The following DMD variants were observed in gnomAD, a reference collection of about 807,000 sequenced individuals.
The protein encoded by DMD is mutant dystrophin.
DMD carries 63 observed loss-of-function variants against 330.1 expected under a neutral mutation model. The ratio of observed to expected loss-of-function variants is 0.19; its 90% CI spans 0.16 to 0.24. The LOEUF (loss-of-function observed/expected upper bound fraction) is 0.24. Ranked by LOEUF, DMD falls within the 10% of genes least tolerant of loss-of-function variation. The pLI, the probability that DMD is intolerant of heterozygous loss-of-function variation, is 1.00. For missense variants in DMD, 3,344 were observed against 2,684.1 expected (o/e 1.25, Z -5.43); for synonymous variants, 1,223 against 959.8 (o/e 1.27, Z -5.07).
intron 41 of DMD, among the ~76,000 whole-genome samples, chrX:32,338,620 C>T: frequency 9.0e-6 from 1 of 111,567 alleles, no homozygotes; most frequent in South Asian, 3.7e-4. Context: ...TAACGTTTGG[C>T]ATCTGATAAC....
At chrX:32,495,665 G>A (rs1054173391) in intron 19 of DMD, among the ~76,000 whole-genome samples, 4 of 111,614 alleles carry the variant, frequency 3.6e-5, no homozygotes, top group African/African-American at 6.5e-5. Context: ...ATGAAAAAGG[G>A]TTCAAAGCGT....
In DMD at chrX:31,801,590, C is replaced by A. The variant is rs1032112522; in HGVS notation, c.7309+18385G>T. On this transcript the variant is annotated intron_variant, in intron 50 of 78. Coordinates refer to ENST00000357033, the MANE Select transcript of DMD (RefSeq NM_004006.3). Reference sequence around the variant, plus strand: ...TCTTAAGTGTCCTCATCCCCCCCCCCCAACACACACACAATAGTAACTATT... The same window carrying A: ...TCTTAAGTGTCCTCATCCCCCCCCCACAACACACACACAATAGTAACTATT... Among the ~76,000 whole-genome samples, 111 of 89,890 alleles carry A rather than the reference C, an allele frequency of 1.2e-3. 1 individual carries two copies. The highest frequency in any genetic ancestry group is 5.5e-3 in the Middle Eastern group (1 of 181). 78.1% of individuals were successfully genotyped at this position (89,890 alleles called of 115,157 possible). A position where few individuals can be genotyped will look rare whatever the true frequency, so the allele number is the denominator to read the frequency against.
intron 1 of DMD, among the ~76,000 whole-genome samples, chrX:33,223,483 T>G (rs1171125925): frequency 8.9e-6 from 1 of 112,168 alleles, no homozygotes; most frequent in Non-Finnish European, 1.9e-5. Context: ...ATAAATATAG[T>G]CAACTGACTG....
chrX:32,543,414 T>A (rs10126490), intron 17 of DMD, among the ~76,000 whole-genome samples: 21 of 110,361 alleles, frequency 1.9e-4, no homozygotes, highest in African/African-American at 6.3e-4. Flanking sequence ...ATGAATCAGC[T>A]TGCTCTGTTA....
In DMD at chrX:32,539,032, T is replaced by C. The variant is rs753844803; in HGVS notation, c.2168+6127A>G. The stretch of plus-strand genomic sequence containing the variant: ...TAAGTATTCTCTGATCCCATAGCAT[T>C]CTCTAGAATTCACATTACTATATTC... On this transcript the variant is annotated intron_variant, in intron 17 of 78. Transcript: ENST00000357033. 5.4e-5 allele frequency among the ~76,000 whole-genome samples: 6 copies of C among 111,677 alleles called. No individual in the cohort carries two copies. The East Asian group carries it at 1.1e-3, about 21-fold the overall frequency.
At chrX:32,981,632 C>T (rs1296228765) in intron 2 of DMD, among the ~76,000 whole-genome samples, 1 of 111,107 alleles carries the variant, frequency 9.0e-6, no homozygotes, top group African/African-American at 3.3e-5. Flanking sequence ...TTTATAAATA[C>T]AACAAATATG....
chrX:32,601,299 C>T (rs527731869), intron 12 of DMD, among the ~76,000 whole-genome samples: 2 of 111,790 alleles, frequency 1.8e-5, no homozygotes, highest in Non-Finnish European at 3.8e-5. Context: ...ACAGGCTACC[C>T]TAGAAAAGCT....
At chrX:32,039,495 T>C (rs1603622805) in intron 44 of DMD, among the ~76,000 whole-genome samples, 1 of 111,513 alleles carries the variant, frequency 9.0e-6, no homozygotes, top group African/African-American at 3.3e-5. Flanking sequence ...CCATAGATCC[T>C]TGTGCCCCCA....
At chrX:31,402,605 C>T (rs2061239387) in intron 60 of DMD, among the ~76,000 whole-genome samples, 2 of 111,491 alleles carry the variant, frequency 1.8e-5, no homozygotes, top group African/African-American at 6.5e-5. Context: ...TAGGAAACTG[C>T]CAAAAGAAAG....
intron 62 of DMD, among the ~76,000 whole-genome samples, chrX:31,321,607 A>AAAAAAAAAAAAAAAAAAAAAAAAGAAAG (rs1388525572): frequency 7.8e-5 from 7 of 89,271 alleles, no homozygotes; most frequent in African/African-American, 2.4e-4. Context: ...AAAAAAAAAA[A>AAAAAAAAAAAAAAAAAAAAAAAAGAAAG]AAAGAAAGAA....
intron 2 of DMD, among the ~76,000 whole-genome samples, chrX:32,985,836 A>G (rs2092830389): frequency 9.0e-6 from 1 of 111,238 alleles, no homozygotes; most frequent in Non-Finnish European, 1.9e-5. Flanking sequence ...TATAAAGGTA[A>G]AACACTTCAT....
At position 33,164,714 on chromosome X, in the gene DMD, C is replaced by T. The variant is rs775248794; in HGVS notation, c.31+46568G>A. Reference sequence around the variant, plus strand: ...CACACCTGAAATGCAGACTTTCATACGAAAAATGTTCTAGCACAACAGGGT... The same window carrying T: ...CACACCTGAAATGCAGACTTTCATATGAAAAATGTTCTAGCACAACAGGGT... On this transcript the variant is annotated intron_variant, in intron 1 of 78. Transcript: ENST00000357033. Among the ~76,000 whole-genome samples, 18 of 110,987 alleles carry T rather than the reference C, an allele frequency of 1.6e-4. No homozygotes were observed. The South Asian group carries it at 6.5e-3, about 40-fold the overall frequency.
chrX:32,725,572 T>G lies in DMD; in HGVS notation c.650-26279A>C, dbSNP rs138050770. Among the ~76,000 whole-genome samples, 1,394 of 110,352 alleles carry G rather than the reference T, an allele frequency of 0.013. 42 individuals are homozygous for G. The East Asian group carries it at 0.17, about 13-fold the overall frequency. ...ATTATATAATGAGAAAGGGGTCAAT[T>G]CAGCAAAAGGATACAACAATTGCAA... On this transcript the variant is annotated intron_variant, in intron 7 of 78. Coordinates refer to ENST00000357033, the MANE Select transcript of DMD (RefSeq NM_004006.3).
At chrX:32,574,899 AT>A (rs57772309) in intron 13 of DMD, among the ~76,000 whole-genome samples, 23,713 of 98,121 alleles carry the variant, frequency 0.24, 2,570 homozygotes, top group East Asian at 0.68. Flanking sequence ...TAATCCACCT[AT>A]TTTTTTTTTT....
chrX:31,257,189 A>AGAAGT (rs1302337502), intron 63 of DMD, among the ~76,000 whole-genome samples: 5 of 109,090 alleles, frequency 4.6e-5, no homozygotes. Context: ...AAATCTCCTT[A>AGAAGT]GAAGTGGGCG....
chrX:31,632,401 G>T (rs1375112393), intron 54 of DMD, among the ~76,000 whole-genome samples: 1 of 111,551 alleles, frequency 9.0e-6, no homozygotes, highest in African/African-American at 3.3e-5. Flanking sequence ...TTAGAAAAAG[G>T]CTCAATCTGA....
At chrX:31,173,988 C>T (rs775323389) in intron 71 of DMD, among the ~76,000 whole-genome samples, 2 of 111,176 alleles carry the variant, frequency 1.8e-5, no homozygotes, top group Admixed American at 9.6e-5. Flanking sequence ...TTTACACCTG[C>T]GCCATTTATA....
chrX:33,277,916 C>A (rs1206238600), intron 1 of DMD, among the ~76,000 whole-genome samples: 3 of 110,778 alleles, frequency 2.7e-5, no homozygotes, highest in Non-Finnish European at 5.7e-5. Flanking sequence ...TGGTCTGTCA[C>A]CATAGTGAGA....
At chrX:31,908,581 T>C (rs1406842123) in intron 47 of DMD, among the ~76,000 whole-genome samples, 1 of 76,905 alleles carries the variant, frequency 1.3e-5, no homozygotes, top group Non-Finnish European at 2.5e-5. Flanking sequence ...GGTGGGGGGC[T>C]GGGGAGGGAT....
Sources: allele counts gnomAD v4.1 joint callset (sites outside exome capture counted in the v4.1 genomes callset), GRCh38; gene constraint gnomAD v4.1.1; transcripts MANE v1.5; gene names NCBI Gene and HGNC (gene_info 2026-07-23, HGNC 2026-07-21).